Variants in CARM1 observed in about 807,000 individuals in gnomAD.
The protein encoded by CARM1 is histone-arginine methyltransferase CARM1.
In CARM1, 14 loss-of-function variants were observed where a neutral mutation model predicts 72.7. The ratio of observed to expected loss-of-function variants is 0.19; its 90% CI spans 0.13 to 0.30. The LOEUF (loss-of-function observed/expected upper bound fraction) is 0.30. Among genes scored for constraint, CARM1 ranks in the 10% least tolerant of loss-of-function variants. The pLI is 1.00. For missense variants in CARM1, 432 were observed against 833.7 expected (o/e 0.52, Z 5.93); for synonymous variants, 333 against 345.5 (o/e 0.96, Z 0.40).
At chr19:10,914,511 G>C (rs1216279028) in intron 6 of CARM1, among the ~76,000 whole-genome samples, 2 of 152,220 alleles carry the variant, frequency 1.3e-5, no homozygotes, top group Non-Finnish European at 2.9e-5. Context: ...AAGCCCATCT[G>C]TCACTTCCCA....
At position 10,912,093 on chromosome 19, in the gene CARM1, C is replaced by T; in HGVS notation, c.559-91C>T. On this transcript the variant is annotated intron_variant, in intron 4 of 15. Transcript: ENST00000327064. This position sits in a 1 kb window ranked among gnomAD's most constrained non-coding sequence, Gnocchi z 4.5. ...CAAACATTGAGAGTGAAGACAGACG[C>T]CTCATGATGTGCACATCCCTTATGA... 1.1e-6 allele frequency: 1 copy of T among 911,278 alleles called. No individual in the cohort carries two copies. 56.4% of individuals were successfully genotyped at this position (911,278 alleles called of 1,614,324 possible).
At chr19:10,907,792 C>T (rs1305545738) in intron 2 of CARM1, among the ~76,000 whole-genome samples, 1 of 152,216 alleles carries the variant, frequency 6.6e-6, no homozygotes, top group African/African-American at 2.4e-5. Context: ...AGGCCCACTC[C>T]CACCAGACAG....
Position 10,876,078 on chromosome 19 carries a change from C to T in CARM1, c.220+4156C>T, listed in dbSNP as rs567344961. ...ATTTTTAGTAGAGATGGGGTTTCTCCGTGTTGGTCAGGCTGGTCTCGAACT... is the reference window on the plus strand; with the variant it reads ...ATTTTTAGTAGAGATGGGGTTTCTCTGTGTTGGTCAGGCTGGTCTCGAACT... On this transcript the variant is annotated intron_variant, in intron 1 of 15. Transcript: ENST00000327064. Among the ~76,000 whole-genome samples, 390 of 151,890 alleles carry T rather than the reference C, an allele frequency of 2.6e-3. 4 individuals carry two copies. Among genetic ancestry groups the T allele is most frequent in the Non-Finnish European group, 3.6e-3 (248 of 67,958 alleles).
In CARM1 at chr19:10,921,807, C is replaced by G. The variant is rs767754365; in HGVS notation, c.*50C>G. On this transcript the variant is annotated 3_prime_UTR_variant, in exon 16 of 16. Coordinates refer to ENST00000327064, the MANE Select transcript of CARM1 (RefSeq NM_199141.2). Reference sequence around the variant, plus strand: ...ACCAGGAAACCAAATGATGTCCCTGCCCGCCGCCCCCGCCGGGCGGCTTTC... The same window carrying G: ...ACCAGGAAACCAAATGATGTCCCTGGCCGCCGCCCCCGCCGGGCGGCTTTC... 1 of 1,520,548 alleles carries G rather than the reference C, an allele frequency of 6.6e-7. No individual in the cohort carries two copies. Among genetic ancestry groups the G allele is most frequent in the Non-Finnish European group, 8.9e-7 (1 of 1,128,000 alleles). The allele number at this position is 1,520,548 out of a possible 1,614,324, so 94.2% of individuals were successfully genotyped here. A position where few individuals can be genotyped will look rare whatever the true frequency, so the allele number is the denominator to read the frequency against.
Position 10,916,900 on chromosome 19 carries a change from A to G in CARM1, c.1020+123A>G. On this transcript the variant is annotated intron_variant, in intron 8 of 15. Coordinates refer to ENST00000327064, the MANE Select transcript of CARM1 (RefSeq NM_199141.2). This position sits in a 1 kb window ranked among gnomAD's most constrained non-coding sequence, Gnocchi z 4.4. ...CCTCTGCCCTGCACAGCGCTCTCAC[A>G]GAGATTTGGGCCAAAAGTGTCAATG... 1.4e-6 allele frequency: 1 copy of G among 709,970 alleles called. No individual in the cohort carries two copies. Among genetic ancestry groups the G allele is most frequent in the Non-Finnish European group, 2.3e-6 (1 of 428,216 alleles). 44.0% of individuals were successfully genotyped at this position (709,970 alleles called of 1,614,324 possible).
chr19:10,903,780 G>T (rs1415141741), intron 1 of CARM1, among the ~76,000 whole-genome samples: 2 of 151,984 alleles, frequency 1.3e-5, no homozygotes, highest in Admixed American at 6.6e-5. Context: ...TGTCACCCAG[G>T]CTGGAATGCA....
At chr19:10,909,755 CAAAA>C (rs565073272) in intron 4 of CARM1, among the ~76,000 whole-genome samples, 2 of 151,408 alleles carry the variant, frequency 1.3e-5, no homozygotes, top group African/African-American at 2.4e-5. Context: ...AACAAACAAA[CAAAA>C]AAAACAAAAA....
At chr19:10,874,965 A>G (rs2073851794) in intron 1 of CARM1, among the ~76,000 whole-genome samples, 1 of 151,794 alleles carries the variant, frequency 6.6e-6, no homozygotes, top group African/African-American at 2.4e-5. Flanking sequence ...CAGAGGTTAC[A>G]GTGAGCTGAG....
Position 10,920,848 on chromosome 19 carries a change from C to T in CARM1, c.1439C>T (p.Thr480Met), listed in dbSNP as rs754546102. Residue 480 changes from threonine (T) to methionine (M), a missense_variant, in exon 13 of 16, where the codon ACG becomes ATG. Transcript: ENST00000327064. This position sits in a 1 kb window ranked among gnomAD's most constrained non-coding sequence, Gnocchi z 5.3. ...KNPFFRYTGTTPSPPPGSHYT... is the reference protein window; with the variant it reads ...KNPFFRYTGTMPSPPPGSHYT... The stretch of plus-strand genomic sequence containing the variant: ...CTCTGCCATAGATACACGGGCACAA[C>T]GCCCTCACCCCCACCCGGCTCCCAC... 8.7e-6 allele frequency: 14 copies of T among 1,614,092 alleles called. No homozygotes were observed. Among genetic ancestry groups the T allele is most frequent in the African/African-American group, 2.7e-5 (2 of 74,950 alleles).
chr19:10,909,461 C>T (rs1032686900), intron 4 of CARM1, among the ~76,000 whole-genome samples: 8 of 149,768 alleles, frequency 5.3e-5, no homozygotes, highest in African/African-American at 7.4e-5. Flanking sequence ...CAAGGCCAGG[C>T]GCGGTGGCTC....
chr19:10,919,853 C>A, intron 9 of CARM1, 24 bp from the exon 10 acceptor site: 1 of 1,587,624 alleles, frequency 6.3e-7, no homozygotes, highest in Non-Finnish European at 8.7e-7. Context: ...GCTTCCCCAG[C>A]AGCCACTGCC....
intron 1 of CARM1, among the ~76,000 whole-genome samples, chr19:10,895,815 G>T (rs1249825650): frequency 6.6e-6 from 1 of 152,162 alleles, no homozygotes; most frequent in Non-Finnish European, 1.5e-5. Flanking sequence ...TGTCAGGTAG[G>T]CATTAAATAA....
At chr19:10,919,786 G>A (rs764106514) in intron 9 of CARM1, 91 bp from the exon 10 acceptor site, 3 of 1,506,126 alleles carry the variant, frequency 2.0e-6, no homozygotes, top group Non-Finnish European at 2.8e-6. Flanking sequence ...ATGGTGGGCG[G>A]GGGCCCCAGG....
At chr19:10,882,257 G>A (rs2073907279) in intron 1 of CARM1, among the ~76,000 whole-genome samples, 1 of 152,228 alleles carries the variant, frequency 6.6e-6, no homozygotes, top group Admixed American at 6.5e-5. Flanking sequence ...GGCCTGGCAT[G>A]GCCAAGGGCA....
intron 1 of CARM1, among the ~76,000 whole-genome samples, chr19:10,903,468 A>G (rs2074080873): frequency 6.6e-6 from 1 of 152,238 alleles, no homozygotes; most frequent in South Asian, 2.1e-4. Context: ...TTTCTAAGAA[A>G]ATATGCATTT....
At chr19:10,917,038 C>T (rs562286704) in intron 8 of CARM1, among the ~76,000 whole-genome samples, 67 of 152,100 alleles carry the variant, frequency 4.4e-4, no homozygotes, top group Middle Eastern at 6.8e-3. Context: ...CTGGGCAACA[C>T]AGAGACGCCA....
intron 8 of CARM1, among the ~76,000 whole-genome samples, chr19:10,918,372 T>G (rs372753289): frequency 9.2e-5 from 14 of 151,920 alleles, no homozygotes; most frequent in South Asian, 8.3e-4. Context: ...ACTATAGGAG[T>G]GTGCCACCAT....
intron 1 of CARM1, among the ~76,000 whole-genome samples, chr19:10,874,297 C>T (rs371339245): frequency 6.6e-6 from 1 of 152,266 alleles, no homozygotes; most frequent in African/African-American, 2.4e-5. Context: ...CAGAGAGCCT[C>T]AGTCCCAGAT....
chr19:10,891,446 C>G (rs1037119293), intron 1 of CARM1, among the ~76,000 whole-genome samples: 28 of 152,146 alleles, frequency 1.8e-4, no homozygotes, highest in Non-Finnish European at 3.7e-4. Context: ...GCTGACTGCC[C>G]CACGTCCATC....
Sources: allele counts gnomAD v4.1 joint callset (sites outside exome capture counted in the v4.1 genomes callset), GRCh38; gene constraint gnomAD v4.1.1; non-coding constraint Gnocchi (gnomAD v3.1); transcripts MANE v1.5; gene names NCBI Gene and HGNC (gene_info 2026-07-23, HGNC 2026-07-21).